Variants in TDP1 observed in about 807,000 individuals in gnomAD.
The protein encoded by TDP1 is tyr-DNA phosphodiesterase 1.
A neutral mutation model predicts 81.5 loss-of-function variants in TDP1; 64 were observed. That is an observed-to-expected ratio of 0.79 (90% confidence interval 0.64 to 0.97). The LOEUF (loss-of-function observed/expected upper bound fraction) is 0.97, where lower values mean the gene tolerates loss of function less well. TDP1 is among the 50% of genes least tolerant of loss of function. The probability of loss-of-function intolerance (pLI) is 0.00; values close to 1 mark genes in which losing one functional copy is unlikely to be tolerated. For synonymous variants in TDP1, 256 were observed against 264.3 expected, an observed-to-expected ratio of 0.97 and a Z score of 0.30; for missense variants, 723 against 743.8, an observed-to-expected ratio of 0.97 and a Z score of 0.33.
At chr14:90,028,665 A>G (rs970768575) in intron 15 of TDP1, among the ~76,000 whole-genome samples, 1 of 152,244 alleles carries the variant, frequency 6.6e-6, no homozygotes, top group African/African-American at 2.4e-5. Context: ...AAATTATTTG[A>G]CATTCAGATT....
chr14:90,042,214 C>G (rs1334683680), intron 16 of TDP1, among the ~76,000 whole-genome samples: 4 of 152,164 alleles, frequency 2.6e-5, no homozygotes, highest in Non-Finnish European at 5.9e-5. Flanking sequence ...GACTGTGGGC[C>G]TCTTGGTTAC....
At chr14:89,963,748 G>A in intron 3 of TDP1, 75 bp downstream of exon 3, 2 of 1,533,560 alleles carry the variant, frequency 1.3e-6, no homozygotes, top group African/African-American at 1.4e-5. Context: ...AAGGAGGGCA[G>A]CCTAGAATAG....
chr14:90,036,257 T>G (rs1253653637), intron 16 of TDP1, among the ~76,000 whole-genome samples: 1 of 152,218 alleles, frequency 6.6e-6, no homozygotes, highest in African/African-American at 2.4e-5. Flanking sequence ...CTCAGTTGCA[T>G]GTAGGATAAT....
intron 5 of TDP1, among the ~76,000 whole-genome samples, chr14:89,970,624 A>G (rs1190317431): frequency 1.3e-5 from 2 of 152,138 alleles, no homozygotes; most frequent in East Asian, 1.9e-4. Context: ...TTCTTGAGTC[A>G]TTACCCCTCT....
chr14:90,022,353 A>C (rs2140279461), intron 15 of TDP1, among the ~76,000 whole-genome samples: 1 of 152,366 alleles, frequency 6.6e-6, no homozygotes, highest in South Asian at 2.1e-4. Context: ...TGAGTAGCTG[A>C]GACTTGGGAG....
chr14:89,990,416 C>T (rs139721307), intron 12 of TDP1, among the ~76,000 whole-genome samples: 83 of 152,206 alleles, frequency 5.5e-4, no homozygotes, highest in African/African-American at 1.9e-3. Context: ...AAAGCAAAGT[C>T]TAATTGGCAT....
chr14:90,043,414 C>T lies in TDP1; in HGVS notation c.*271C>T. On this transcript the variant is annotated 3_prime_UTR_variant, in exon 17 of 17. Coordinates refer to ENST00000335725, the MANE Select transcript of TDP1 (RefSeq NM_018319.4). The stretch of plus-strand genomic sequence containing the variant: ...TAAAAATACGTACTGCTTGAGTATC[C>T]CCTGTCTGAAATGCTTGGGACCAGA... 3.7e-6 allele frequency: 2 copies of T among 537,602 alleles called. No homozygotes were observed. Among genetic ancestry groups the T allele is most frequent in the South Asian group, 4.4e-5 (2 of 45,794 alleles). The allele number at this position is 537,602 out of a possible 1,614,324, so 33.3% of individuals were successfully genotyped here. A position where few individuals can be genotyped will look rare whatever the true frequency, so the allele number is the denominator to read the frequency against.
At chr14:90,010,372 G>A (rs997432218) in intron 14 of TDP1, among the ~76,000 whole-genome samples, 9 of 152,250 alleles carry the variant, frequency 5.9e-5, no homozygotes, top group African/African-American at 9.6e-5. Context: ...GAAAAGCACT[G>A]TGTGGTGGGC....
intron 10 of TDP1, among the ~76,000 whole-genome samples, chr14:89,985,993 C>T (rs1224533646): frequency 1.3e-5 from 2 of 152,236 alleles, no homozygotes; most frequent in Non-Finnish European, 2.9e-5. Context: ...CACCATTGCA[C>T]TCCAACCTGG....
intron 14 of TDP1, among the ~76,000 whole-genome samples, chr14:89,998,416 A>G (rs56994501): frequency 0.1 from 8,652 of 85,378 alleles, 1,022 homozygotes; most frequent in African/African-American, 0.27. Flanking sequence ...ATATATATAT[A>G]TATATATGTA....
Position 89,996,620 on chromosome 14 carries a change from G to C in TDP1, c.1541+3137G>C, listed in dbSNP as rs36028337. On this transcript the variant is annotated intron_variant, in intron 14 of 16. Coordinates refer to ENST00000335725, the MANE Select transcript of TDP1 (RefSeq NM_018319.4). ...GCTTTAACATTGTCAGACAGTACTA[G>C]ATGAGATGGTCATGTCTACTATTGA... 8.4e-4 allele frequency among the ~76,000 whole-genome samples: 128 copies of C among 152,278 alleles called. 1 individual carries two copies. Among genetic ancestry groups the C allele is most frequent in the African/African-American group, 3.0e-3 (124 of 41,558 alleles).
intron 16 of TDP1, among the ~76,000 whole-genome samples, chr14:90,040,575 A>G: frequency 6.6e-6 from 1 of 152,230 alleles, no homozygotes. Context: ...GGTTTCATGC[A>G]TGGCTTATTC....
intron 2 of TDP1, among the ~76,000 whole-genome samples, chr14:89,957,958 G>T (rs182971568): frequency 6.6e-6 from 1 of 152,156 alleles, no homozygotes; most frequent in African/African-American, 2.4e-5. Flanking sequence ...CCCAGATCCC[G>T]TGGCCACTAT....
intron 3 of TDP1, chr14:89,965,928 C>G: frequency 1.1e-6 from 1 of 932,608 alleles, no homozygotes; most frequent in African/African-American, 1.8e-5. Context: ...TTTGGTTTTG[C>G]ATTGTTTTAT....
At chr14:90,039,525 T>C (rs1192484282) in intron 16 of TDP1, among the ~76,000 whole-genome samples, 1 of 152,048 alleles carries the variant, frequency 6.6e-6, no homozygotes, top group African/African-American at 2.4e-5. Flanking sequence ...GAGATGACAG[T>C]GGAAAATGTA....
intron 6 of TDP1, among the ~76,000 whole-genome samples, chr14:89,975,057 G>A (rs914398344): frequency 6.6e-6 from 1 of 152,150 alleles, no homozygotes; most frequent in Non-Finnish European, 1.5e-5. Flanking sequence ...AAGTCTTTAT[G>A]TTGCCACCAC....
intron 6 of TDP1, among the ~76,000 whole-genome samples, chr14:89,973,790 A>G (rs1893928420): frequency 6.6e-6 from 1 of 152,124 alleles, no homozygotes; most frequent in Non-Finnish European, 1.5e-5. Context: ...CGCTGAAACA[A>G]CAGACACTTA....
At chr14:89,980,386 G>A in intron 7 of TDP1, 154 bp from the exon 8 acceptor site, 2 of 908,780 alleles carry the variant, frequency 2.2e-6, no homozygotes, top group South Asian at 5.1e-5. Flanking sequence ...CTTTCATCAT[G>A]GTAATGTATA....
rs764317609 is a variant in TDP1, at chr14:89,966,237, G to A, written c.603+47G>A. The A allele has an allele frequency of 1.9e-5, 23 of 1,239,816 alleles. No homozygotes were observed. The South Asian group carries it at 2.8e-4, about 15-fold the overall frequency. The allele number at this position is 1,239,816 out of a possible 1,614,324, so 76.8% of individuals were successfully genotyped here. A position where few individuals can be genotyped will look rare whatever the true frequency, so the allele number is the denominator to read the frequency against. On this transcript the variant is annotated intron_variant, in intron 4 of 16. Transcript: ENST00000335725. ...TTTTTCTTTGGGTGAAAGTAGACAG[G>A]TAATTAAACAACTCCATAAGAAAAT...
Sources: gnomAD v4.1 joint callset for allele counts (sites outside exome capture counted in the v4.1 genomes callset) on GRCh38, gnomAD v4.1.1 for gene constraint, MANE v1.5 for transcripts, NCBI Gene and HGNC (gene_info 2026-07-23, HGNC 2026-07-21) for gene names.